The following BAZ2A variants were observed in gnomAD, a reference collection of about 807,000 sequenced individuals.
BAZ2A encodes bromodomain adjacent to zinc finger domain protein 2A.
A neutral mutation model predicts 199.9 loss-of-function variants in BAZ2A; 34 were observed. That is an observed-to-expected ratio of 0.17 (90% CI 0.13 to 0.23). The LOEUF (loss-of-function observed/expected upper bound fraction) is 0.23. Among genes scored for constraint, BAZ2A ranks in the 10% least tolerant of loss-of-function variants. The pLI, the probability that BAZ2A is intolerant of heterozygous loss-of-function variation, is 1.00. For missense variants in BAZ2A, 2,002 were observed against 2,391.1 expected, an observed-to-expected ratio of 0.84 and a Z score of 3.39; for synonymous variants, 857 against 883.9, an observed-to-expected ratio of 0.97 and a Z score of 0.54.
intron 18 of BAZ2A, 63 bp downstream of exon 18, chr12:56,603,296 A>G: frequency 1.3e-6 from 2 of 1,526,820 alleles, no homozygotes; most frequent in South Asian, 2.4e-5. Context: ...AGTTTAAAAA[A>G]GAAGCTGATC....
In BAZ2A at chr12:56,599,768, G is replaced by A. The variant is rs1484589785; in HGVS notation, c.5106C>T (p.Tyr1702=). ...CAGCCTCCATCTTGGGACGATGGCA[G>A]TAAATGTGGCAGCCACGGTCACACC... ...CDGCDRGCHI[Y]CHRPKMEAVP... Residue 1702 remains tyrosine (Y), a synonymous_variant, in exon 26 of 29, where the codon TAC becomes TAT. Transcript: ENST00000549884. 3 of 1,614,014 alleles carry A rather than the reference G, an allele frequency of 1.9e-6. No individual in the cohort carries two copies. The South Asian group carries it at 3.3e-5, about 18-fold the overall frequency.
chr12:56,623,433 C>A (rs904017671), intron 1 of BAZ2A, among the ~76,000 whole-genome samples: 2 of 152,142 alleles, frequency 1.3e-5, no homozygotes, highest in African/African-American at 4.8e-5. Flanking sequence ...TCATTCTTCT[C>A]ATGTAGTACA....
intron 1 of BAZ2A, among the ~76,000 whole-genome samples, chr12:56,620,755 T>C (rs532470846): frequency 5.3e-5 from 8 of 152,196 alleles, no homozygotes; most frequent in African/African-American, 1.2e-4. Context: ...GAGACGGGGT[T>C]ACACCATGTT....
intron 13 of BAZ2A, chr12:56,605,613 G>C: frequency 1.6e-6 from 1 of 628,922 alleles, no homozygotes; most frequent in African/African-American, 1.8e-5. Flanking sequence ...GTAGAGATGA[G>C]GTCTCGCCAT....
chr12:56,602,964 A>G, intron 18 of BAZ2A, 107 bp from the exon 19 acceptor site: 1 of 1,281,856 alleles, frequency 7.8e-7, no homozygotes, highest in Non-Finnish European at 1.1e-6. Flanking sequence ...CCCTCTATAA[A>G]AGTGATGCCA....
intron 26 of BAZ2A, 41 bp from the exon 27 acceptor site, chr12:56,599,399 T>C: frequency 1.3e-6 from 2 of 1,574,442 alleles, no homozygotes; most frequent in Non-Finnish European, 1.7e-6. Context: ...CAGCTGGAGA[T>C]GCACTGCTTG....
intron 6 of BAZ2A, 36 bp from the exon 7 acceptor site, chr12:56,611,669 G>GC (rs1201079327): frequency 6.4e-7 from 1 of 1,574,206 alleles, no homozygotes. Context: ...AAGAGTTCAA[G>GC]CAAAATATTT....
At position 56,613,173 on chromosome 12, in the gene BAZ2A, T is replaced by C; in HGVS notation, c.977A>G (p.Lys326Arg). The change falls in exon 5 of 29, where the codon AAG (lysine) becomes AGG (arginine). Residue 326 changes from lysine to arginine, a missense_variant. Physicochemically the swap from Lys to Arg is conservative, Grantham distance 26. Coordinates refer to ENST00000549884, the MANE Select transcript of BAZ2A (RefSeq NM_001300905.2). ...DDTELMGAED[K>R]LPLEDSPVIS... ...CACAGGGCTGTCCTCAAGAGGCAGC[T>C]TGTCCTCTGCACCCATCAGCTCCGT... 4 of 1,614,014 alleles carry C rather than the reference T, an allele frequency of 2.5e-6. No homozygotes were observed. Among genetic ancestry groups the C allele is most frequent in the Non-Finnish European group, 3.4e-6 (4 of 1,179,892 alleles).
chr12:56,630,498 TGCACCC>T (rs1450841776), upstream of BAZ2A, among the ~76,000 whole-genome samples: 1 of 152,240 alleles, frequency 6.6e-6, no homozygotes, highest in Non-Finnish European at 1.5e-5. Context: ...CAGCTCCCTC[TGCACCC>T]GCATCTCATG....
chr12:56,617,622 C>T, intron 1 of BAZ2A, 90 bp from the exon 2 acceptor site: 1 of 1,367,698 alleles, frequency 7.3e-7, no homozygotes. Flanking sequence ...GACCCCTCCC[C>T]TCCACCTACT....
Position 56,614,086 on chromosome 12 carries a change from G to A in BAZ2A, c.783C>T (p.His261=). The A allele has an allele frequency of 6.2e-7, 1 of 1,613,966 alleles. No homozygotes were observed. The highest frequency in any genetic ancestry group is 8.5e-7 in the Non-Finnish European group (1 of 1,179,866). The change falls in exon 4 of 29, where the codon CAC becomes CAT. Residue 261 remains histidine (H), a synonymous_variant. Transcript: ENST00000549884. ...NGSVPSVESL[H]QEVSVLVPDP... ...CAGGGACCAGGACTGAGACCTCTTG[G>A]TGTAACGATTCCACAGAAGGGACAG...
At chr12:56,622,488 A>G (rs1950952716) in intron 1 of BAZ2A, among the ~76,000 whole-genome samples, 1 of 152,248 alleles carries the variant, frequency 6.6e-6, no homozygotes, top group Non-Finnish European at 1.5e-5. Context: ...ATGTCACAGT[A>G]TGGGAATACG....
intron 21 of BAZ2A, 21 bp downstream of exon 21, chr12:56,601,159 C>T (rs779813381): frequency 5.0e-5 from 80 of 1,613,856 alleles, no homozygotes; most frequent in Non-Finnish European, 6.7e-5. Flanking sequence ...CACCGGATGC[C>T]CTCACTCCAA....
Position 56,606,808 on chromosome 12 carries a change from C to T in BAZ2A, c.2093-75G>A, listed in dbSNP as rs1238279454. The T allele has an allele frequency of 1.3e-5, 16 of 1,230,066 alleles. No homozygotes were observed. In the Admixed American group the frequency reaches 1.4e-4, roughly 10 times the overall value. The allele number at this position is 1,230,066 out of a possible 1,614,324, so 76.2% of individuals were successfully genotyped here. A position where few individuals can be genotyped will look rare whatever the true frequency, so the allele number is the denominator to read the frequency against. On this transcript the variant is annotated intron_variant, in intron 10 of 28. Transcript: ENST00000549884. Reference sequence around the variant, plus strand: ...TCTAGCATCCAGGGCAACACATGCCCGTCTCAAAGCTGGCCTCCCAAGCAG... The same window carrying T: ...TCTAGCATCCAGGGCAACACATGCCTGTCTCAAAGCTGGCCTCCCAAGCAG...
chr12:56,630,163 C>G lies in BAZ2A; in HGVS notation c.-41G>C. 1 of 985,614 alleles carries G rather than the reference C, an allele frequency of 1.0e-6. No homozygotes were observed. The highest frequency in any genetic ancestry group is 1.7e-5 in the African/African-American group (1 of 57,384). The allele number at this position is 985,614 out of a possible 1,614,324, so 61.1% of individuals were successfully genotyped here. A position where few individuals can be genotyped will look rare whatever the true frequency, so the allele number is the denominator to read the frequency against. On this transcript the variant is annotated 5_prime_UTR_variant, in exon 1 of 29. Coordinates refer to ENST00000549884, the MANE Select transcript of BAZ2A (RefSeq NM_001300905.2). ...GTCCAGCCGGGCTCGGGGCTCGTCTCTCCCCGGGGTACAAGCGGTTCACAT... is the reference window on the plus strand; with the variant it reads ...GTCCAGCCGGGCTCGGGGCTCGTCTGTCCCCGGGGTACAAGCGGTTCACAT...
At position 56,606,794 on chromosome 12, in the gene BAZ2A, G is replaced by C. The variant is rs1280218972; in HGVS notation, c.2093-61C>G. 2.2e-6 allele frequency: 3 copies of C among 1,362,586 alleles called. No individual in the cohort carries two copies. In the African/African-American group the frequency reaches 4.3e-5, roughly 20 times the overall value. The allele number at this position is 1,362,586 out of a possible 1,614,324, so 84.4% of individuals were successfully genotyped here. On this transcript the variant is annotated intron_variant, in intron 10 of 28. Coordinates refer to ENST00000549884, the MANE Select transcript of BAZ2A (RefSeq NM_001300905.2). ...CAGGAAGGCAGTTCTCTAGCATCCA[G>C]GGCAACACATGCCCGTCTCAAAGCT...
intron 18 of BAZ2A, among the ~76,000 whole-genome samples, 154 bp downstream of exon 18, chr12:56,603,205 C>A (rs1361054171): frequency 3.9e-5 from 6 of 152,188 alleles, no homozygotes; most frequent in African/African-American, 1.4e-4. Context: ...GAGGCTGAGG[C>A]TGCAGTGAGC....
rs1950638669 is a variant in BAZ2A, at chr12:56,613,995, G to A, written c.874C>T (p.Leu292Phe). ...LPDQLEDTPILSEDSLEPFNS... is the reference protein window; with the variant it reads ...LPDQLEDTPIFSEDSLEPFNS... ...AAGGGCTCCAGAGAGTCTTCACTGA[G>A]GATTGGAGTGTCTTCCAGTTGATCA... The change falls in exon 4 of 29, where the codon CTC becomes TTC. Residue 292 changes from leucine (L) to phenylalanine (F), a missense_variant. Coordinates refer to ENST00000549884, the MANE Select transcript of BAZ2A (RefSeq NM_001300905.2). 1 of 1,614,020 alleles carries A rather than the reference G, an allele frequency of 6.2e-7. No homozygotes were observed. Among genetic ancestry groups the A allele is most frequent in the Non-Finnish European group, 8.5e-7 (1 of 1,179,890 alleles).
intron 1 of BAZ2A, 65 bp from the exon 2 acceptor site, chr12:56,617,597 T>C: frequency 1.3e-6 from 2 of 1,500,316 alleles, no homozygotes; most frequent in South Asian, 2.6e-5. Context: ...TCACCTGGAA[T>C]CTTCCAGGGG....
Sources: allele counts gnomAD v4.1 joint callset (sites outside exome capture counted in the v4.1 genomes callset), GRCh38; gene constraint gnomAD v4.1.1; transcripts MANE v1.5; gene names NCBI Gene and HGNC (gene_info 2026-07-23, HGNC 2026-07-21).